The following STARD13 variants were observed in gnomAD, a reference collection of about 807,000 sequenced individuals.
STARD13 encodes the protein StAR related lipid transfer domain containing 13, also known as stAR-related lipid transfer protein 13.
A neutral mutation model predicts 106.4 loss-of-function variants in STARD13; 62 were observed. The ratio of observed to expected loss-of-function variants is 0.58; its 90% CI spans 0.48 to 0.72. STARD13 has a LOEUF of 0.72. STARD13 is among the 30% of genes least tolerant of loss of function. The pLI is 0.00. For missense variants in STARD13, 1,387 were observed against 1,424.0 expected (o/e 0.97, Z 0.42); for synonymous variants, 565 against 553.0 (o/e 1.02, Z -0.31).
chr13:33,443,447 G>A, the STARD13 span, among the ~76,000 whole-genome samples: 1 of 22,040 alleles, frequency 4.5e-5, no homozygotes, highest in African/African-American at 2.8e-4. Context: ...TTAATAAAAA[G>A]GGTCCCCCCC....
chr13:33,350,142 G>T, intron 1 of STARD13: 1 of 1,156,346 alleles, frequency 8.6e-7, no homozygotes, highest in Non-Finnish European at 1.1e-6. Context: ...GCCCAGGGAG[G>T]GTGGTGCCCG....
the STARD13 span, among the ~76,000 whole-genome samples, chr13:33,514,850 C>A: frequency 6.6e-6 from 1 of 152,036 alleles, no homozygotes; most frequent in Admixed American, 6.6e-5. Context: ...GTGGACCTCT[C>A]CCCCGGCACC....
intron 1 of STARD13, among the ~76,000 whole-genome samples, chr13:33,315,220 C>G (rs747444951): frequency 1.3e-5 from 2 of 152,304 alleles, no homozygotes; most frequent in Non-Finnish European, 2.9e-5. Flanking sequence ...GAAGTAAAAA[C>G]TATAGAAATT....
chr13:33,674,606 G>T, the STARD13 span, among the ~76,000 whole-genome samples: 1 of 152,162 alleles, frequency 6.6e-6, no homozygotes, highest in African/African-American at 2.4e-5. Context: ...TTCCTATGCT[G>T]AGAAATCAGG....
intron 1 of STARD13, among the ~76,000 whole-genome samples, chr13:33,193,673 C>G (rs1886414656): frequency 6.6e-6 from 1 of 152,200 alleles, no homozygotes; most frequent in Non-Finnish European, 1.5e-5. Flanking sequence ...TCCTCAAAGC[C>G]ATGCTGCTCA....
chr13:33,222,115 C>A (rs1273594865), intron 1 of STARD13, among the ~76,000 whole-genome samples: 1 of 152,064 alleles, frequency 6.6e-6, no homozygotes. Context: ...CACCACTGCA[C>A]TCCAGCCTGG....
At chr13:33,442,612 T>C in the STARD13 span, among the ~76,000 whole-genome samples, 1 of 152,212 alleles carries the variant, frequency 6.6e-6, no homozygotes, top group African/African-American at 2.4e-5. Flanking sequence ...AAACTAATTA[T>C]CTGAAATTAA....
the STARD13 span, among the ~76,000 whole-genome samples, chr13:33,495,560 G>A: frequency 2.6e-5 from 4 of 151,976 alleles, no homozygotes; most frequent in East Asian, 5.8e-4. Flanking sequence ...AAATATTTGT[G>A]TCTCAGATTT....
chr13:33,648,926 G>C, the STARD13 span, among the ~76,000 whole-genome samples: 2 of 151,236 alleles, frequency 1.3e-5, no homozygotes, highest in Non-Finnish European at 2.9e-5. Flanking sequence ...CCTAGTAGCT[G>C]GGATTACAGG....
At chr13:33,229,174 A>C (rs2138203562) in intron 1 of STARD13, among the ~76,000 whole-genome samples, 1 of 152,304 alleles carries the variant, frequency 6.6e-6, no homozygotes, top group South Asian at 2.1e-4. Flanking sequence ...CAACCAACGG[A>C]GGGAAAACTC....
the STARD13 span, among the ~76,000 whole-genome samples, chr13:33,544,222 T>A: frequency 6.6e-6 from 1 of 152,148 alleles, no homozygotes; most frequent in East Asian, 1.9e-4. Flanking sequence ...TTTCCTCAAG[T>A]TCCCTTGTTT....
chr13:33,474,105 ATC>A, the STARD13 span, among the ~76,000 whole-genome samples: 1 of 152,122 alleles, frequency 6.6e-6, no homozygotes, highest in East Asian at 1.9e-4. Flanking sequence ...ATTCTTTGGA[ATC>A]TGGAGAAGTT....
chr13:33,584,653 T>C, the STARD13 span, among the ~76,000 whole-genome samples: 3 of 152,210 alleles, frequency 2.0e-5, no homozygotes, highest in African/African-American at 4.8e-5. Context: ...TTTTAAATGC[T>C]GAATTTGAGC....
the STARD13 span, among the ~76,000 whole-genome samples, chr13:33,586,389 C>T: frequency 6.6e-6 from 1 of 152,088 alleles, no homozygotes; most frequent in Admixed American, 6.5e-5. Flanking sequence ...TCTCACAAAG[C>T]TCTGGTGTGT....
chr13:33,583,635 G>A, the STARD13 span, among the ~76,000 whole-genome samples: 2 of 152,028 alleles, frequency 1.3e-5, no homozygotes, highest in South Asian at 4.1e-4. Context: ...GATATTTAGG[G>A]TAAGGCACAG....
At chr13:33,231,583 A>T (rs1357748930) in intron 1 of STARD13, among the ~76,000 whole-genome samples, 1 of 152,080 alleles carries the variant, frequency 6.6e-6, no homozygotes, top group Non-Finnish European at 1.5e-5. Context: ...GTTGAAGGTA[A>T]CATAATAAAA....
chr13:33,238,832 GT>G (rs1168038214), intron 1 of STARD13, among the ~76,000 whole-genome samples: 4 of 151,910 alleles, frequency 2.6e-5, no homozygotes, highest in African/African-American at 7.3e-5. Flanking sequence ...GAGGTAGCAT[GT>G]TTTTTTATTG....
At chr13:33,549,984 C>A in the STARD13 span, among the ~76,000 whole-genome samples, 1 of 152,298 alleles carries the variant, frequency 6.6e-6, no homozygotes, top group South Asian at 2.1e-4. Flanking sequence ...TTCACTGTTG[C>A]TAGCATGCTG....
At chr13:33,572,066 A>C in the STARD13 span, among the ~76,000 whole-genome samples, 19 of 152,328 alleles carry the variant, frequency 1.2e-4, no homozygotes, top group Non-Finnish European at 2.5e-4. Context: ...ATTTGCTTCA[A>C]TAAGCAAGCA....
Sources: gnomAD v4.1 joint callset for allele counts (sites outside exome capture counted in the v4.1 genomes callset) on GRCh38, gnomAD v4.1.1 for gene constraint, MANE v1.5 for transcripts, NCBI Gene and HGNC (gene_info 2026-07-23, HGNC 2026-07-21) for gene names.